The following COPS3 variants were observed in gnomAD, a reference collection of about 807,000 sequenced individuals.
COPS3 encodes the protein COP9 signalosome subunit 3.
In COPS3, 10 loss-of-function variants were observed where a neutral mutation model predicts 58.2. The ratio of observed to expected loss-of-function variants is 0.17; its 90% CI spans 0.11 to 0.29. COPS3 has a LOEUF of 0.29. Ranked by LOEUF, COPS3 falls within the 10% of genes least tolerant of loss-of-function variation. COPS3 has a pLI of 1.00. For missense variants in COPS3, 333 were observed against 510.1 expected (o/e 0.65, Z 3.34); for synonymous variants, 187 against 181.7 (o/e 1.03, Z -0.24).
intron 6 of COPS3, among the ~76,000 whole-genome samples, chr17:17,263,287 CAA>C (rs71152856): frequency 8.9e-4 from 120 of 134,590 alleles, no homozygotes; most frequent in East Asian, 2.1e-3. Flanking sequence ...GACTCCATTT[CAA>C]AAAAAAAAAA....
At chr17:17,250,462 G>T (rs923313086) in intron 9 of COPS3, among the ~76,000 whole-genome samples, 1 of 151,958 alleles carries the variant, frequency 6.6e-6, no homozygotes, top group African/African-American at 2.4e-5. Context: ...TGCCATGTTG[G>T]CCAGGCTGGG....
chr17:17,281,111 C>A, intron 1 of COPS3, 21 bp downstream of exon 1: 2 of 1,603,750 alleles, frequency 1.2e-6, no homozygotes, highest in South Asian at 2.2e-5. Context: ...CCATGCCCAG[C>A]CCGGCGGCCT....
At chr17:17,249,573 A>C (rs2047796065) in intron 9 of COPS3, among the ~76,000 whole-genome samples, 1 of 151,938 alleles carries the variant, frequency 6.6e-6, no homozygotes, top group East Asian at 1.9e-4. Context: ...GCTCACTGCA[A>C]CCTCCGCCTC....
chr17:17,254,814 GA>G (rs71152853), intron 9 of COPS3, 44 bp downstream of exon 9: 27,741 of 815,264 alleles, frequency 0.034, 1 homozygote, highest in Middle Eastern at 0.041. Context: ...ATCTCAAAAA[GA>G]AAAAAAAAAA....
Position 17,270,566 on chromosome 17 carries a change from C to T in COPS3, c.348+192G>A, listed in dbSNP as rs192364901. Among the ~76,000 whole-genome samples, 3 of 152,122 alleles carry T rather than the reference C, an allele frequency of 2.0e-5. No individual in the cohort carries two copies. The East Asian group carries it at 5.8e-4, about 29-fold the overall frequency. ...GCCTCCCTGAGGTGCCAAACCACCC[C>T]GTGCCTCCACCTCATTCAGGGGATG... On this transcript the variant is annotated intron_variant, in intron 4 of 11. Coordinates refer to ENST00000268717, the MANE Select transcript of COPS3 (RefSeq NM_003653.4).
chr17:17,248,859 T>C lies in COPS3; in HGVS notation c.1137+67A>G, dbSNP rs537192939. On this transcript the variant is annotated intron_variant, in intron 10 of 11. Transcript: ENST00000268717. ...TTAAAACTAAAATTATCCTGGAACA[T>C]AGGAGCAATTTTCAAATACATCTCA... 22 of 987,582 alleles carry C rather than the reference T, an allele frequency of 2.2e-5. No individual in the cohort carries two copies. In the African/African-American group the frequency reaches 3.1e-4, roughly 14 times the overall value. The allele number at this position is 987,582 out of a possible 1,614,324, so 61.2% of individuals were successfully genotyped here. A position where few individuals can be genotyped will look rare whatever the true frequency, so the allele number is the denominator to read the frequency against.
At chr17:17,271,977 A>G (rs2048363903) in intron 2 of COPS3, among the ~76,000 whole-genome samples, 1 of 150,248 alleles carries the variant, frequency 6.7e-6, no homozygotes, top group Non-Finnish European at 1.5e-5. Flanking sequence ...AAGATGAAAA[A>G]TTCCACTAAA....
chr17:17,265,036 G>T, intron 5 of COPS3, 55 bp from the exon 6 acceptor site: 2 of 1,469,352 alleles, frequency 1.4e-6, no homozygotes, highest in African/African-American at 1.4e-5. Flanking sequence ...GCAGGTATTA[G>T]CAGAAGGAGA....
At chr17:17,262,729 C>CA (rs372609324) in intron 6 of COPS3, among the ~76,000 whole-genome samples, 4,754 of 146,966 alleles carry the variant, frequency 0.032, 110 homozygotes, top group African/African-American at 0.065. Context: ...GACTCCGTCT[C>CA]AAAAAAAAAA....
chr17:17,248,132 C>T (rs938787729), intron 10 of COPS3, among the ~76,000 whole-genome samples: 3 of 152,180 alleles, frequency 2.0e-5, no homozygotes, highest in Admixed American at 6.5e-5. Context: ...GAGATGTTTC[C>T]TAACCTCCCA....
At chr17:17,270,345 C>T (rs1418583814) in intron 4 of COPS3, among the ~76,000 whole-genome samples, 36 of 151,584 alleles carry the variant, frequency 2.4e-4, no homozygotes, top group South Asian at 2.1e-4. Context: ...AGAATAAGTG[C>T]GGTAAAATGT....
At chr17:17,258,951 T>G (rs890103933) in intron 8 of COPS3, among the ~76,000 whole-genome samples, 1 of 152,178 alleles carries the variant, frequency 6.6e-6, no homozygotes, top group East Asian at 1.9e-4. Context: ...TTCTTGCCCA[T>G]TGACCCTCTC....
chr17:17,259,399 G>T (rs1463811374), intron 8 of COPS3, among the ~76,000 whole-genome samples: 1 of 152,136 alleles, frequency 6.6e-6, no homozygotes, highest in Non-Finnish European at 1.5e-5. Flanking sequence ...TGTACTGTTT[G>T]AACGTTTGAC....
At chr17:17,271,455 T>G (rs2048338351) in intron 2 of COPS3, among the ~76,000 whole-genome samples, 2 of 151,120 alleles carry the variant, frequency 1.3e-5, no homozygotes, top group South Asian at 4.2e-4. Flanking sequence ...AGAACTAGAA[T>G]CCATGAGATT....
At chr17:17,254,178 C>A (rs768370997) in intron 9 of COPS3, among the ~76,000 whole-genome samples, 1 of 151,208 alleles carries the variant, frequency 6.6e-6, no homozygotes, top group Non-Finnish European at 1.5e-5. Flanking sequence ...GTGACACATA[C>A]ATGCCTGTAG....
chr17:17,264,170 T>G (rs1322020434), intron 6 of COPS3, among the ~76,000 whole-genome samples: 2 of 152,236 alleles, frequency 1.3e-5, no homozygotes, highest in Admixed American at 1.3e-4. Context: ...TCTGAAGGTT[T>G]TAAATATCCT....
At chr17:17,280,699 G>A in intron 1 of COPS3, 1 of 1,266,720 alleles carries the variant, frequency 7.9e-7, no homozygotes, top group Admixed American at 2.8e-5. Flanking sequence ...GAACGGACTC[G>A]CCTCCCGCCC....
chr17:17,276,041 G>A lies in COPS3; in HGVS notation c.179C>T (p.Ala60Val), dbSNP rs769307012. Residue 60 changes from alanine (A) to valine (V), a missense_variant, in exon 2 of 12, where the codon GCT becomes GTT. Coordinates refer to ENST00000268717, the MANE Select transcript of COPS3 (RefSeq NM_003653.4). ...AAAAGAAGATGCTCCTTACAAAACAGCAAGGACGCCCAAGGAGTGTTCTTG... is the reference window on the plus strand; with the variant it reads ...AAAAGAAGATGCTCCTTACAAAACAACAAGGACGCCCAAGGAGTGTTCTTG... The part of the protein sequence containing the change: ...DVQEHSLGVL[A>V]VLFVKFSMPS... The A allele has an allele frequency of 1.2e-6, 2 of 1,613,344 alleles. No homozygotes were observed. The highest frequency in any genetic ancestry group is 1.1e-5 in the South Asian group (1 of 91,008).
In COPS3 at chr17:17,276,087, C is replaced by T; in HGVS notation, c.133G>A (p.Val45Met). ...LAKNLSHLDT[V>M]LGALDVQEHS... ...TCTTGTACATCCAGAGCCCCGAGCACAGTGTCCAGATGGGATAAGTTCTTC... is the reference window on the plus strand; with the variant it reads ...TCTTGTACATCCAGAGCCCCGAGCATAGTGTCCAGATGGGATAAGTTCTTC... The change falls in exon 2 of 12, where the codon GTG becomes ATG. Residue 45 changes from valine (V) to methionine (M), a missense_variant. Transcript: ENST00000268717. 2 of 1,614,186 alleles carry T rather than the reference C, an allele frequency of 1.2e-6. No individual in the cohort carries two copies. Among genetic ancestry groups the T allele is most frequent in the Non-Finnish European group, 1.7e-6 (2 of 1,180,028 alleles).
Sources: allele counts gnomAD v4.1 joint callset (sites outside exome capture counted in the v4.1 genomes callset), GRCh38; gene constraint gnomAD v4.1.1; transcripts MANE v1.5; gene names NCBI Gene and HGNC (gene_info 2026-07-23, HGNC 2026-07-21).